The following PDLIM5 variants were observed in gnomAD, a reference collection of about 807,000 sequenced individuals.
PDLIM5 encodes PDZ and LIM domain 5, also known as PDZ and LIM domain protein 5.
A neutral mutation model predicts 64.2 loss-of-function variants in PDLIM5; 34 were observed. That is an observed-to-expected ratio of 0.53 (90% CI 0.40 to 0.71). PDLIM5 has a LOEUF of 0.71. PDLIM5 is among the 30% of genes least tolerant of loss of function. The probability of loss-of-function intolerance (pLI) is 0.00; values close to 1 mark genes in which losing one functional copy is unlikely to be tolerated. For missense variants in PDLIM5, 683 were observed against 733.6 expected (o/e 0.93, Z 0.80); for synonymous variants, 253 against 269.1 (o/e 0.94, Z 0.59).
Position 94,585,550 on chromosome 4 carries a change from TC to T in PDLIM5, c.711-14del. ...ACTTTACAATTTTTAATTTTTTTTTTCTCCTTAACCCTAGCCCACCAAGAAA... is the reference window on the plus strand; with the variant it reads ...ACTTTACAATTTTTAATTTTTTTTTTTCCTTAACCCTAGCCCACCAAGAAA... On this transcript the variant is annotated splice_polypyrimidine_tract_variant and intron_variant, in intron 5 of 12. Coordinates refer to ENST00000317968, the MANE Select transcript of PDLIM5 (RefSeq NM_006457.5). 6.8e-7 allele frequency: 1 copy of T among 1,479,004 alleles called. No homozygotes were observed. Among genetic ancestry groups the T allele is most frequent in the South Asian group, 1.5e-5 (1 of 67,082 alleles). The allele number at this position is 1,479,004 out of a possible 1,614,324, so 91.6% of individuals were successfully genotyped here. A position where few individuals can be genotyped will look rare whatever the true frequency, so the allele number is the denominator to read the frequency against.
At chr4:94,487,208 G>A (rs893864595) in intron 2 of PDLIM5, among the ~76,000 whole-genome samples, 1 of 152,038 alleles carries the variant, frequency 6.6e-6, no homozygotes. Flanking sequence ...CCCTAATTTT[G>A]CTGCCTAAAA....
chr4:94,512,564 G>A (rs1259251962), intron 2 of PDLIM5, among the ~76,000 whole-genome samples: 1 of 151,886 alleles, frequency 6.6e-6, no homozygotes, highest in African/African-American at 2.4e-5. Context: ...CCATTTGTAC[G>A]TCTTTTGAGA....
chr4:94,464,474 C>T (rs964121296), intron 2 of PDLIM5, among the ~76,000 whole-genome samples: 1 of 152,196 alleles, frequency 6.6e-6, no homozygotes, highest in African/African-American at 2.4e-5. Context: ...GGCTGTATAA[C>T]ACTAGCCAGA....
chr4:94,594,819 C>T (rs928084610), intron 7 of PDLIM5, among the ~76,000 whole-genome samples: 1 of 152,056 alleles, frequency 6.6e-6, no homozygotes, highest in African/African-American at 2.4e-5. Flanking sequence ...TTTTATCAGT[C>T]TTTTCTTTAT....
chr4:94,638,064 G>A (rs910349778), intron 8 of PDLIM5, among the ~76,000 whole-genome samples: 1 of 152,150 alleles, frequency 6.6e-6, no homozygotes, highest in Admixed American at 6.5e-5. Context: ...AGGCGTTCTT[G>A]GCAAGAGCTG....
intron 7 of PDLIM5, chr4:94,608,063 G>T (rs1738070994): frequency 1.3e-6 from 2 of 1,529,268 alleles, no homozygotes; most frequent in South Asian, 1.2e-5. Context: ...ACTTAGGTTT[G>T]ACAGTGCTCT....
intron 8 of PDLIM5, among the ~76,000 whole-genome samples, chr4:94,636,123 T>TC (rs375938892): frequency 2.7e-4 from 41 of 152,272 alleles, no homozygotes; most frequent in Admixed American, 4.6e-4. Context: ...ATAAGTTAGT[T>TC]CCCCGTATAC....
At chr4:94,456,503 T>G in intron 2 of PDLIM5, 1 of 705,176 alleles carries the variant, frequency 1.4e-6, no homozygotes, top group South Asian at 1.5e-5. Context: ...TGGCCCACAC[T>G]GTTTTATACT....
chr4:94,585,161 G>C (rs537072839), intron 5 of PDLIM5, among the ~76,000 whole-genome samples: 60 of 152,052 alleles, frequency 3.9e-4, no homozygotes, highest in Non-Finnish European at 7.4e-4. Flanking sequence ...TGCGATCTTG[G>C]CTCACTGCAA....
chr4:94,540,666 G>T (rs941114919), intron 3 of PDLIM5, among the ~76,000 whole-genome samples: 5 of 152,150 alleles, frequency 3.3e-5, no homozygotes, highest in Non-Finnish European at 7.3e-5. Flanking sequence ...TCCTAAAACT[G>T]GTTGAGTGAC....
At position 94,575,730 on chromosome 4, in the gene PDLIM5, T is replaced by G. The variant is rs779412923; in HGVS notation, c.406T>G (p.Ser136Ala). ...GGCACCACGGCCTTTTGGTTCTGTGTCTTCACCAAAAGTCACATCCATCCC... is the reference window on the plus strand; with the variant it reads ...GGCACCACGGCCTTTTGGTTCTGTGGCTTCACCAAAAGTCACATCCATCCC... The part of the protein sequence containing the change: ...NKAPRPFGSV[S>A]SPKVTSIPSP... The change falls in exon 5 of 13, where the codon TCT becomes GCT. Residue 136 changes from serine (S) to alanine (A), a missense_variant. Ser to Ala is a moderately conservative substitution (Grantham distance 99). Coordinates refer to ENST00000317968, the MANE Select transcript of PDLIM5 (RefSeq NM_006457.5). 1 of 1,614,090 alleles carries G rather than the reference T, an allele frequency of 6.2e-7. No individual in the cohort carries two copies. Among genetic ancestry groups the G allele is most frequent in the East Asian group, 2.2e-5 (1 of 44,884 alleles).
chr4:94,610,158 C>T, intron 7 of PDLIM5: 1 of 1,507,390 alleles, frequency 6.6e-7, no homozygotes, highest in East Asian at 2.5e-5. Context: ...CCCTACCTGT[C>T]AGTTTAAGCA....
intron 5 of PDLIM5, among the ~76,000 whole-genome samples, chr4:94,580,142 T>G (rs2110296908): frequency 6.6e-6 from 1 of 152,298 alleles, no homozygotes; most frequent in East Asian, 1.9e-4. Context: ...AACCTCACTT[T>G]TGTGTTCCAT....
chr4:94,548,148 T>A (rs371252230), intron 3 of PDLIM5, among the ~76,000 whole-genome samples: 23 of 152,312 alleles, frequency 1.5e-4, no homozygotes, highest in Middle Eastern at 3.4e-3. Context: ...CTTTTTTGTG[T>A]GTGCTCGAGC....
At chr4:94,477,243 C>T (rs1241528122) in intron 2 of PDLIM5, among the ~76,000 whole-genome samples, 3 of 152,140 alleles carry the variant, frequency 2.0e-5, no homozygotes, top group Non-Finnish European at 4.4e-5. Flanking sequence ...CTTGGGTGGC[C>T]TTTGACAATA....
intron 3 of PDLIM5, among the ~76,000 whole-genome samples, chr4:94,546,281 T>C (rs1357778446): frequency 1.3e-5 from 2 of 152,142 alleles, no homozygotes; most frequent in Non-Finnish European, 2.9e-5. Context: ...CTTTGTTCCT[T>C]ACTATATCCC....
At position 94,631,458 on chromosome 4, in the gene PDLIM5, G is replaced by A. The variant is rs73834219; in HGVS notation, c.1109-8818G>A. Among the ~76,000 whole-genome samples the A allele has an allele frequency of 8.7e-3, 1,317 of 152,104 alleles. 21 individuals carry two copies. The highest frequency in any genetic ancestry group is 0.03 in the African/African-American group (1,252 of 41,476). ...ACTTCAAGGAAAATAAAATAATAACGCCTTCATACATTTTTCCTACATTTA... is the reference window on the plus strand; with the variant it reads ...ACTTCAAGGAAAATAAAATAATAACACCTTCATACATTTTTCCTACATTTA... On this transcript the variant is annotated intron_variant, in intron 8 of 12. Coordinates refer to ENST00000317968, the MANE Select transcript of PDLIM5 (RefSeq NM_006457.5).
chr4:94,591,778 C>A (rs548399736), intron 7 of PDLIM5, among the ~76,000 whole-genome samples: 1 of 152,358 alleles, frequency 6.6e-6, no homozygotes, highest in African/African-American at 2.4e-5. Context: ...CTTTCCCCTT[C>A]ACGGTTGTTG....
At chr4:94,540,521 A>G (rs1162678356) in intron 3 of PDLIM5, among the ~76,000 whole-genome samples, 1 of 152,218 alleles carries the variant, frequency 6.6e-6, no homozygotes, top group Non-Finnish European at 1.5e-5. Context: ...TGGCTGTGTA[A>G]TATGTGTAGG....
Sources: gnomAD v4.1 joint callset for allele counts (sites outside exome capture counted in the v4.1 genomes callset) on GRCh38, gnomAD v4.1.1 for gene constraint, MANE v1.5 for transcripts, NCBI Gene and HGNC (gene_info 2026-07-23, HGNC 2026-07-21) for gene names.